CASK: variants seen among roughly 807,000 people sequenced by gnomAD.
CASK encodes the protein peripheral plasma membrane protein CASK.
A neutral mutation model predicts 82.9 loss-of-function variants in CASK; 4 were observed. That is an observed-to-expected ratio of 0.05 (90% CI 0.02 to 0.11). The LOEUF is 0.11. Among genes scored for constraint, CASK ranks in the 10% least tolerant of loss-of-function variants. The pLI is 1.00. For synonymous variants in CASK, 259 were observed against 253.5 expected (o/e 1.02, Z -0.20); for missense variants, 358 against 720.9 (o/e 0.50, Z 5.76).
chrX:41,655,254 T>C (rs1380322042), intron 8 of CASK, among the ~76,000 whole-genome samples: 2 of 110,576 alleles, frequency 1.8e-5, no homozygotes, highest in Non-Finnish European at 3.8e-5. Context: ...CAGTGTGGAG[T>C]TGAGAAGCTG....
intron 12 of CASK, among the ~76,000 whole-genome samples, chrX:41,590,288 C>A (rs1469125333): frequency 6.3e-5 from 7 of 110,658 alleles, no homozygotes; most frequent in Non-Finnish European, 3.8e-5. Context: ...GGGCGGATCA[C>A]CTGAGGTCAG....
At chrX:41,543,023 C>T (rs887059063) in intron 21 of CASK, among the ~76,000 whole-genome samples, 2 of 111,747 alleles carry the variant, frequency 1.8e-5, no homozygotes, top group Non-Finnish European at 3.8e-5. Flanking sequence ...CATGGTATTC[C>T]TTGAACATAT....
intron 14 of CASK, chrX:41,584,776 A>T (rs1431858016): frequency 9.0e-6 from 1 of 111,641 alleles, no homozygotes; most frequent in African/African-American, 3.3e-5. Flanking sequence ...GCTATAGAAG[A>T]CATGCTGTCT....
chrX:41,552,295 C>T (rs781138708), intron 21 of CASK, among the ~76,000 whole-genome samples: 70 of 109,829 alleles, frequency 6.4e-4, no homozygotes, highest in Non-Finnish European at 1.1e-3. Context: ...ATATTTTCTG[C>T]GGCACTTTTC....
At chrX:41,845,247 G>A (rs2071129721) in intron 2 of CASK, among the ~76,000 whole-genome samples, 1 of 111,631 alleles carries the variant, frequency 9.0e-6, no homozygotes, top group African/African-American at 3.2e-5. Context: ...ATGATCTTCT[G>A]TTTAGTTGTT....
At chrX:41,635,864 T>C (rs5918214) in intron 9 of CASK, 11,384 of 105,307 alleles carry the variant, frequency 0.11, 702 homozygotes, top group Middle Eastern at 0.16. Flanking sequence ...TGCTTTCTGA[T>C]AGTTGTTCAA....
intron 3 of CASK, among the ~76,000 whole-genome samples, chrX:41,776,634 C>T (rs2069370200): frequency 1.8e-5 from 2 of 111,566 alleles, no homozygotes; most frequent in Non-Finnish European, 3.8e-5. Context: ...AAAGTTAGTA[C>T]AAGGAAAGGG....
intron 1 of CASK, among the ~76,000 whole-genome samples, chrX:41,890,945 T>C (rs192040221): frequency 2.8e-5 from 3 of 107,947 alleles, no homozygotes; most frequent in Non-Finnish European, 5.8e-5. Context: ...TGGAGTGCAG[T>C]GATGCAACCT....
chrX:41,622,528 AG>A, intron 11 of CASK, 88 bp downstream of exon 11: 1 of 740,121 alleles, frequency 1.4e-6, no homozygotes, highest in East Asian at 3.6e-5. Context: ...CAAACAGCCA[AG>A]GAAAAAGTCA....
intron 22 of CASK, among the ~76,000 whole-genome samples, chrX:41,535,537 C>T: frequency 9.1e-6 from 1 of 109,849 alleles, no homozygotes; most frequent in Middle Eastern, 4.6e-3. Flanking sequence ...AGTTCTGTAA[C>T]TATTGCACAA....
At chrX:41,764,088 G>A (rs1162683816) in intron 3 of CASK, among the ~76,000 whole-genome samples, 1 of 111,889 alleles carries the variant, frequency 8.9e-6, no homozygotes, top group Non-Finnish European at 1.9e-5. Context: ...AAATGAGGCC[G>A]AATGGGAGCT....
intron 1 of CASK, among the ~76,000 whole-genome samples, chrX:41,877,986 CA>C (rs200922694): frequency 9.0e-4 from 96 of 106,758 alleles, no homozygotes; most frequent in Non-Finnish European, 1.2e-3. Flanking sequence ...GGGAAAGAAA[CA>C]AAAAAAAATA....
At chrX:41,862,877 A>G (rs1043444365) in intron 1 of CASK, among the ~76,000 whole-genome samples, 2 of 112,178 alleles carry the variant, frequency 1.8e-5, no homozygotes. Flanking sequence ...GGTGAATGAT[A>G]CCACCAAATG....
intron 1 of CASK, among the ~76,000 whole-genome samples, chrX:41,890,482 T>C (rs2072145396): frequency 8.9e-6 from 1 of 111,787 alleles, no homozygotes; most frequent in Non-Finnish European, 1.9e-5. Context: ...CCTTACTTCT[T>C]ACTAAAAAAC....
At chrX:41,794,906 A>C (rs1395095619) in intron 2 of CASK, among the ~76,000 whole-genome samples, 2 of 112,449 alleles carry the variant, frequency 1.8e-5, no homozygotes, top group Non-Finnish European at 3.8e-5. Context: ...CTCAACAAGG[A>C]CACGTTGACA....
chrX:41,660,527 C>A lies in CASK; in HGVS notation c.743G>T (p.Ser248Ile). 1 of 1,206,102 alleles carries A rather than the reference C, an allele frequency of 8.3e-7. No homozygotes were observed. Among genetic ancestry groups the A allele is most frequent in the Non-Finnish European group, 1.1e-6 (1 of 890,284 alleles). ...NPRQWSHISE[S>I]AKDLVRRMLM... ...CATGCGACGTACTAGGTCTTTGGCA[C>A]TTTCAGAGATATGGCTCCACTGCCT... Residue 248 changes from serine (S) to isoleucine (I), a missense_variant, in exon 8 of 27, where the codon AGT becomes ATT. Ser to Ile is a moderately radical substitution (Grantham distance 142). Around this residue, in one of 5 missense-constraint regions of CASK, gnomAD observed 70 missense variants for 228.4 expected, o/e 0.31. Coordinates refer to ENST00000378163, the MANE Select transcript of CASK (RefSeq NM_001367721.1).
intron 3 of CASK, among the ~76,000 whole-genome samples, chrX:41,774,386 T>C (rs2069308860): frequency 9.0e-6 from 1 of 111,351 alleles, no homozygotes. Flanking sequence ...ACAAGGGACG[T>C]GAAGGACAAA....
intron 9 of CASK, among the ~76,000 whole-genome samples, chrX:41,627,639 T>C (rs1403120006): frequency 1.8e-5 from 2 of 112,068 alleles, no homozygotes; most frequent in African/African-American, 3.2e-5. Context: ...TTCCCACTTA[T>C]AAGGGAGAAC....
intron 1 of CASK, among the ~76,000 whole-genome samples, chrX:41,916,597 T>C (rs1283294124): frequency 8.9e-6 from 1 of 112,445 alleles, no homozygotes; most frequent in African/African-American, 3.2e-5. Context: ...GTCTCTTGAT[T>C]ATTTAAGGTG....
Sources: gnomAD v4.1 joint callset for allele counts (sites outside exome capture counted in the v4.1 genomes callset) on GRCh38, gnomAD v4.1.1 for gene constraint, gnomAD v4.1.1 regional missense constraint, MANE v1.5 for transcripts, NCBI Gene and HGNC (gene_info 2026-07-23, HGNC 2026-07-21) for gene names.